The following SHISA6 variants were observed in gnomAD, a reference collection of about 807,000 sequenced individuals.
SHISA6 encodes shisa family member 6, also known as protein shisa-6.
A neutral mutation model predicts 47.9 loss-of-function variants in SHISA6; 22 were observed. That is an observed-to-expected ratio of 0.46 (90% CI 0.33 to 0.66). The LOEUF (loss-of-function observed/expected upper bound fraction) is 0.66, where lower values mean the gene tolerates loss of function less well. SHISA6 is among the 30% of genes least tolerant of loss of function. The pLI, the probability that SHISA6 is intolerant of heterozygous loss-of-function variation, is 0.02. For missense variants in SHISA6, 680 were observed against 764.6 expected (o/e 0.89, Z 1.30); for synonymous variants, 388 against 337.8 (o/e 1.15, Z -1.63).
chr17:11,489,666 C>T (rs749754721), intron 3 of SHISA6, among the ~76,000 whole-genome samples: 1 of 152,156 alleles, frequency 6.6e-6, no homozygotes, highest in Non-Finnish European at 1.5e-5. Flanking sequence ...GTTGAAACCA[C>T]ACAGATGCTC....
intron 2 of SHISA6, among the ~76,000 whole-genome samples, chr17:11,324,301 C>A (rs1910804590): frequency 6.6e-6 from 1 of 152,170 alleles, no homozygotes; most frequent in Non-Finnish European, 1.5e-5. Context: ...TCCCCCGTAA[C>A]ACAGCATTTA....
At position 11,332,522 on chromosome 17, in the gene SHISA6, C is replaced by A. The variant is rs1014360703; in HGVS notation, c.800-46892C>A. ...TTTGTCAGTCGTAAAATAAACACAC[C>A]GCTGATGTGTCCCACATCCCATGAT... On this transcript the variant is annotated intron_variant, in intron 2 of 5. Transcript: ENST00000441885. 3.9e-5 allele frequency among the ~76,000 whole-genome samples: 6 copies of A among 152,200 alleles called. No homozygotes were observed. In the South Asian group the frequency reaches 1.2e-3, roughly 32 times the overall value.
At chr17:11,542,026 A>G (rs2071838200) in intron 3 of SHISA6, among the ~76,000 whole-genome samples, 1 of 152,226 alleles carries the variant, frequency 6.6e-6, no homozygotes, top group Non-Finnish European at 1.5e-5. Flanking sequence ...AGAAGCATTT[A>G]TGGTTGAACA....
intron 3 of SHISA6, among the ~76,000 whole-genome samples, chr17:11,517,812 T>C (rs1196606366): frequency 6.6e-6 from 1 of 152,094 alleles, no homozygotes; most frequent in East Asian, 1.9e-4. Context: ...GCCCCAAGTT[T>C]TTATTTTCCT....
At chr17:11,242,189 C>A in intron 1 of SHISA6, 129 bp downstream of exon 1, 1 of 1,260,204 alleles carries the variant, frequency 7.9e-7, no homozygotes, top group Non-Finnish European at 1.1e-6. Context: ...CACCATCGCT[C>A]CTTTTGCATG....
intron 2 of SHISA6, among the ~76,000 whole-genome samples, chr17:11,337,381 CT>C (rs11361469): frequency 0.021 from 3,195 of 152,230 alleles, 125 homozygotes; most frequent in African/African-American, 0.074. Context: ...TCCCATCCCC[CT>C]GGTGCATGAT....
chr17:11,461,755 T>G (rs911280573), intron 3 of SHISA6, among the ~76,000 whole-genome samples: 2 of 152,072 alleles, frequency 1.3e-5, no homozygotes, highest in Non-Finnish European at 2.9e-5. Flanking sequence ...TAGAGAGTAG[T>G]TCAGAGTTTG....
chr17:11,426,147 G>C (rs1914605729), intron 3 of SHISA6, among the ~76,000 whole-genome samples: 1 of 152,214 alleles, frequency 6.6e-6, no homozygotes, highest in Admixed American at 6.5e-5. Context: ...AAAAACATGA[G>C]TGACCCTCCA....
chr17:11,244,639 T>TA (rs1275640953), intron 1 of SHISA6, among the ~76,000 whole-genome samples: 1 of 152,010 alleles, frequency 6.6e-6, no homozygotes, highest in Non-Finnish European at 1.5e-5. Context: ...GAGGGAGTGA[T>TA]AGAGACAGAG....
intron 3 of SHISA6, among the ~76,000 whole-genome samples, chr17:11,420,431 G>T (rs1914420516): frequency 6.6e-6 from 1 of 152,192 alleles, no homozygotes; most frequent in Admixed American, 6.5e-5. Flanking sequence ...ACAGCAGTTT[G>T]TAGGATTTTA....
chr17:11,445,214 T>C (rs1282949561), intron 3 of SHISA6, among the ~76,000 whole-genome samples: 1 of 152,152 alleles, frequency 6.6e-6, no homozygotes, highest in Non-Finnish European at 1.5e-5. Flanking sequence ...CGGCTTCTTT[T>C]ATGAGGGCCG....
At chr17:11,524,613 C>T (rs754672332) in intron 3 of SHISA6, among the ~76,000 whole-genome samples, 7 of 151,886 alleles carry the variant, frequency 4.6e-5, no homozygotes, top group Non-Finnish European at 8.8e-5. Context: ...TTTCCTGCCT[C>T]AGCCTCCCGA....
chr17:11,472,733 C>T (rs1325704434), intron 3 of SHISA6, among the ~76,000 whole-genome samples: 1 of 152,126 alleles, frequency 6.6e-6, no homozygotes, highest in African/African-American at 2.4e-5. Context: ...ATGTTTAGTT[C>T]TGTAGAAAAC....
chr17:11,383,670 A>G (rs1434831772), intron 3 of SHISA6, among the ~76,000 whole-genome samples: 1 of 152,080 alleles, frequency 6.6e-6, no homozygotes. Flanking sequence ...TGGCATACTC[A>G]TTCTTTCTCT....
intron 2 of SHISA6, among the ~76,000 whole-genome samples, chr17:11,330,684 A>G (rs979866675): frequency 6.6e-6 from 1 of 152,214 alleles, no homozygotes; most frequent in Non-Finnish European, 1.5e-5. Flanking sequence ...AACGTAAGTA[A>G]AAAGATCCAT....
intron 1 of SHISA6, among the ~76,000 whole-genome samples, chr17:11,245,828 C>T (rs1242388440): frequency 6.6e-6 from 1 of 152,002 alleles, no homozygotes; most frequent in Non-Finnish European, 1.5e-5. Flanking sequence ...GAGGTGACCC[C>T]TTCATCTTGG....
chr17:11,344,526 G>A (rs533854661), intron 2 of SHISA6, among the ~76,000 whole-genome samples: 11 of 152,168 alleles, frequency 7.2e-5, no homozygotes, highest in East Asian at 1.9e-4. Flanking sequence ...TACCACCACC[G>A]TTTATGAAAA....
intron 3 of SHISA6, among the ~76,000 whole-genome samples, chr17:11,501,513 G>GT (rs1297029233): frequency 6.6e-6 from 1 of 152,118 alleles, no homozygotes; most frequent in East Asian, 1.9e-4. Context: ...AATTAAGGAG[G>GT]TTTTTTTAGT....
At position 11,247,334 on chromosome 17, in the gene SHISA6, A is replaced by G. The variant is rs569845612; in HGVS notation, c.638+5274A>G. Among the ~76,000 whole-genome samples the G allele has an allele frequency of 2.0e-5, 3 of 152,284 alleles. No individual in the cohort carries two copies. The South Asian group carries it at 6.2e-4, about 32-fold the overall frequency. On this transcript the variant is annotated intron_variant, in intron 1 of 5. Transcript: ENST00000441885. ...ATCGCCTGATTTTCCAGGGGCTGGC[A>G]GATTGTATTTAGGTCTTCCCTTTCT...
Sources: allele counts gnomAD v4.1 joint callset (sites outside exome capture counted in the v4.1 genomes callset), GRCh38; gene constraint gnomAD v4.1.1; transcripts MANE v1.5; gene names NCBI Gene and HGNC (gene_info 2026-07-23, HGNC 2026-07-21).